Variants in INPP4B observed in about 807,000 individuals in gnomAD.
INPP4B encodes inositol polyphosphate 4-phosphatase type II.
A neutral mutation model predicts 122.5 loss-of-function variants in INPP4B; 55 were observed. That is an observed-to-expected ratio of 0.45 (90% confidence interval 0.36 to 0.56). The LOEUF is 0.56. Among genes scored for constraint, INPP4B ranks in the 20% least tolerant of loss-of-function variants. The pLI is 0.00. For missense variants in INPP4B, 1,000 were observed against 1,097.7 expected (o/e 0.91, Z 1.26); for synonymous variants, 403 against 388.7 (o/e 1.04, Z -0.43).
chr4:142,151,346 A>G (rs1275921439), intron 17 of INPP4B, among the ~76,000 whole-genome samples: 1 of 152,162 alleles, frequency 6.6e-6, no homozygotes, highest in Non-Finnish European at 1.5e-5. Flanking sequence ...AAATAGCCAG[A>G]CATGTAAACA....
intron 7 of INPP4B, among the ~76,000 whole-genome samples, chr4:142,373,160 A>G (rs1790527154): frequency 6.6e-6 from 1 of 152,052 alleles, no homozygotes; most frequent in South Asian, 2.1e-4. Context: ...GCTCTGATTG[A>G]AGAGCCAAGT....
At chr4:142,142,549 C>G (rs542700065) in intron 18 of INPP4B, among the ~76,000 whole-genome samples, 13 of 151,998 alleles carry the variant, frequency 8.6e-5, no homozygotes, top group Non-Finnish European at 1.3e-4. Flanking sequence ...GAGCCTAGAG[C>G]TTCTTATGGT....
intron 6 of INPP4B, 50 bp from the exon 7 acceptor site, chr4:142,403,104 G>T: frequency 2.0e-6 from 2 of 980,890 alleles, no homozygotes; most frequent in Non-Finnish European, 3.3e-6. Flanking sequence ...AGCAACTGTA[G>T]TTGGCAGCAC....
chr4:142,409,933 G>A (rs1301368513), intron 5 of INPP4B, among the ~76,000 whole-genome samples: 2 of 152,150 alleles, frequency 1.3e-5, no homozygotes, highest in South Asian at 4.1e-4. Context: ...GCTAAAAGGT[G>A]GGACTCTTCA....
intron 7 of INPP4B, among the ~76,000 whole-genome samples, chr4:142,333,169 T>C (rs1775344375): frequency 6.6e-6 from 1 of 152,190 alleles, no homozygotes; most frequent in Non-Finnish European, 1.5e-5. Flanking sequence ...TTGTCTGGTT[T>C]AATTAGTTGG....
At chr4:142,300,371 G>A (rs1480435959) in intron 9 of INPP4B, among the ~76,000 whole-genome samples, 1 of 152,016 alleles carries the variant, frequency 6.6e-6, no homozygotes, top group Non-Finnish European at 1.5e-5. Context: ...AAAAATATGT[G>A]GAATTTTGTT....
intron 1 of INPP4B, among the ~76,000 whole-genome samples, chr4:142,809,313 A>C (rs1017690501): frequency 6.6e-6 from 1 of 152,138 alleles, no homozygotes; most frequent in Non-Finnish European, 1.5e-5. Flanking sequence ...AGACGTTAAG[A>C]GGACTAAATA....
intron 7 of INPP4B, among the ~76,000 whole-genome samples, chr4:142,382,655 A>AC (rs1794624721): frequency 7.0e-6 from 1 of 142,204 alleles, no homozygotes; most frequent in African/African-American, 2.6e-5. Context: ...TATTATATAT[A>AC]TTTATATATA....
At chr4:142,450,049 T>C (rs939761937) in intron 3 of INPP4B, among the ~76,000 whole-genome samples, 12 of 152,172 alleles carry the variant, frequency 7.9e-5, no homozygotes, top group African/African-American at 2.9e-4. Flanking sequence ...TCATCCTCTG[T>C]AAGAAGTTGA....
chr4:142,331,916 G>C (rs28527427), intron 7 of INPP4B, among the ~76,000 whole-genome samples: 1 of 150,412 alleles, frequency 6.6e-6, no homozygotes, highest in Non-Finnish European at 1.5e-5. Flanking sequence ...CTGGGGGGGT[G>C]GGGGGTGGAG....
At chr4:142,101,345 T>C (rs1251394612) in intron 23 of INPP4B, among the ~76,000 whole-genome samples, 5 of 152,124 alleles carry the variant, frequency 3.3e-5, no homozygotes, top group South Asian at 2.1e-4. Context: ...TCAGTATTGA[T>C]TCCACCAGTT....
At chr4:142,261,398 G>C (rs1739919407) in intron 10 of INPP4B, among the ~76,000 whole-genome samples, 1 of 152,138 alleles carries the variant, frequency 6.6e-6, no homozygotes, top group Non-Finnish European at 1.5e-5. Context: ...AAAAAATATG[G>C]GGGTGTGAGT....
intron 3 of INPP4B, among the ~76,000 whole-genome samples, chr4:142,459,423 G>T (rs1816250327): frequency 6.6e-6 from 1 of 152,056 alleles, no homozygotes; most frequent in East Asian, 1.9e-4. Context: ...TAAAAGGAAG[G>T]AAGAGGAGTA....
chr4:142,267,500 T>C (rs551585191), intron 10 of INPP4B, among the ~76,000 whole-genome samples: 1 of 152,322 alleles, frequency 6.6e-6, no homozygotes, highest in South Asian at 2.1e-4. Flanking sequence ...TTTGGAAAAC[T>C]AGATGTCCAC....
At chr4:142,128,472 C>A (rs1402054909) in intron 18 of INPP4B, among the ~76,000 whole-genome samples, 1 of 152,000 alleles carries the variant, frequency 6.6e-6, no homozygotes, top group Non-Finnish European at 1.5e-5. Flanking sequence ...CTGCCCTGAG[C>A]CAACTAGCCT....
intron 21 of INPP4B, among the ~76,000 whole-genome samples, chr4:142,116,904 C>T (rs766849211): frequency 3.3e-5 from 5 of 151,878 alleles, no homozygotes; most frequent in Non-Finnish European, 5.9e-5. Flanking sequence ...ACAATATTGA[C>T]AGACCGGTAG....
intron 2 of INPP4B, among the ~76,000 whole-genome samples, chr4:142,653,810 G>T (rs887377243): frequency 6.6e-6 from 1 of 152,178 alleles, no homozygotes; most frequent in African/African-American, 2.4e-5. Context: ...AAGACAGTGT[G>T]GCAATTCCTC....
At position 142,098,740 on chromosome 4, in the gene INPP4B, C is replaced by T. The variant is rs76996384; in HGVS notation, c.2374+9353G>A. Among the ~76,000 whole-genome samples the T allele has an allele frequency of 1.4e-4, 21 of 152,016 alleles. No individual in the cohort carries two copies. In the East Asian group the frequency reaches 4.1e-3, roughly 30 times the overall value. ...ATGGGGAAGACTGTAGGAAGAACAG[C>T]TTTTTTAAGGGCTTATCAGGAACAA... On this transcript the variant is annotated intron_variant, in intron 23 of 25. Coordinates refer to ENST00000262992, the MANE Select transcript of INPP4B (RefSeq NM_001101669.3).
chr4:142,661,037 G>C (rs941217366), intron 2 of INPP4B: 1 of 152,248 alleles, frequency 6.6e-6, no homozygotes, highest in African/African-American at 2.4e-5. Context: ...TGCGCACTGG[G>C]GTGGAGCCTT....
Sources: gnomAD v4.1 joint callset for allele counts (sites outside exome capture counted in the v4.1 genomes callset) on GRCh38, gnomAD v4.1.1 for gene constraint, MANE v1.5 for transcripts, NCBI Gene and HGNC (gene_info 2026-07-23, HGNC 2026-07-21) for gene names.